The following STON2 variants were observed in gnomAD, a reference collection of about 807,000 sequenced individuals.
STON2 encodes the protein stonin 2.
In STON2, 29 loss-of-function variants were observed where a neutral mutation model predicts 65.7. The ratio of observed to expected loss-of-function variants is 0.44; its 90% CI spans 0.33 to 0.60. The LOEUF is 0.60. Among genes scored for constraint, STON2 ranks in the 20% least tolerant of loss-of-function variants. STON2 has a pLI of 0.03. For synonymous variants in STON2, 404 were observed against 414.2 expected (o/e 0.98, Z 0.30); for missense variants, 1,054 against 1,118.1 (o/e 0.94, Z 0.82).
Position 81,328,490 on chromosome 14 carries a change from A to C in STON2, c.572-4303T>G, listed in dbSNP as rs1041541077. ...GGTACGAAGACATCAATTTTCTCCAAAAGAAAGATGTACCAGCATTGCTAT... is the reference window on the plus strand; with the variant it reads ...GGTACGAAGACATCAATTTTCTCCACAAGAAAGATGTACCAGCATTGCTAT... On this transcript the variant is annotated intron_variant, in intron 4 of 7. Transcript: ENST00000614646. Among the ~76,000 whole-genome samples, 3 of 152,240 alleles carry C rather than the reference A, an allele frequency of 2.0e-5. No individual in the cohort carries two copies. The East Asian group carries it at 5.8e-4, about 29-fold the overall frequency.
At chr14:81,329,470 AAAG>A (rs1320250604) in intron 4 of STON2, among the ~76,000 whole-genome samples, 1 of 146,446 alleles carries the variant, frequency 6.8e-6, no homozygotes, top group Non-Finnish European at 1.5e-5. Context: ...AAAAAAAAAA[AAAG>A]AGAGAGACAA....
Position 81,395,875 on chromosome 14 carries a change from G to A in STON2, c.373+19C>T, listed in dbSNP as rs747686755. 1.2e-6 allele frequency: 2 copies of A among 1,613,214 alleles called. No individual in the cohort carries two copies. Among genetic ancestry groups the A allele is most frequent in the South Asian group, 1.1e-5 (1 of 91,000 alleles). ...CCTGCTGACCACAAACCCAAGCCGG[G>A]CCCTTCCTACCTCCTCACCTGTCTC... On this transcript the variant is annotated intron_variant, in intron 3 of 7. Transcript: ENST00000614646.
intron 2 of STON2, 109 bp from the exon 3 acceptor site, chr14:81,396,287 C>A: frequency 9.9e-7 from 1 of 1,005,240 alleles, no homozygotes; most frequent in Non-Finnish European, 1.4e-6. Flanking sequence ...TGACTCGCCA[C>A]TGCAGTGAGT....
intron 3 of STON2, among the ~76,000 whole-genome samples, chr14:81,387,342 AG>A (rs1440087208): frequency 2.6e-5 from 4 of 152,170 alleles, no homozygotes; most frequent in Non-Finnish European, 5.9e-5. Flanking sequence ...GGCTAATTTA[AG>A]TATTTGACAT....
intron 3 of STON2, among the ~76,000 whole-genome samples, chr14:81,380,937 G>C (rs1899483397): frequency 6.6e-6 from 1 of 151,868 alleles, no homozygotes; most frequent in African/African-American, 2.4e-5. Context: ...AATTTACTCA[G>C]GTAACAAACC....
rs149190919 is a variant in STON2 at position 81,387,529 on chromosome 14, T to G, written c.373+8365A>C. 2.2e-3 allele frequency among the ~76,000 whole-genome samples: 339 copies of G among 152,264 alleles called. 2 individuals carry two copies. Among genetic ancestry groups the G allele is most frequent in the Non-Finnish European group, 3.4e-3 (234 of 68,022 alleles). On this transcript the variant is annotated intron_variant, in intron 3 of 7. Coordinates refer to ENST00000614646, the MANE Select transcript of STON2 (RefSeq NM_001394390.1). ...TTCAAGGGGTATGATTCCATATGCT[T>G]CTTCATTCCTAGTAAACTCAGGTCT... is the stretch of plus-strand genomic sequence containing the variant.
chr14:81,267,124 T>A lies in STON2; in HGVS notation c.*1290A>T, dbSNP rs1030639071. The stretch of plus-strand genomic sequence containing the variant: ...AGTGTGCTTTCTGTCCCCCGACTTG[T>A]ATTCTTCATGGGAGAAAACACTAAG... On this transcript the variant is annotated 3_prime_UTR_variant, in exon 8 of 8. Transcript: ENST00000614646. 1.7e-5 allele frequency: 17 copies of A among 985,372 alleles called. No individual in the cohort carries two copies. The highest frequency in any genetic ancestry group is 2.0e-5 in the Non-Finnish European group (17 of 829,908). The allele number at this position is 985,372 out of a possible 1,614,324, so 61.0% of individuals were successfully genotyped here.
intron 4 of STON2, among the ~76,000 whole-genome samples, chr14:81,366,534 A>G: frequency 6.6e-6 from 1 of 151,180 alleles, no homozygotes; most frequent in African/African-American, 2.4e-5. Flanking sequence ...GAACTCTTCA[A>G]CCTCTACCAC....
At chr14:81,417,482 A>T (rs1484889535) in intron 2 of STON2, among the ~76,000 whole-genome samples, 1 of 152,228 alleles carries the variant, frequency 6.6e-6, no homozygotes, top group Non-Finnish European at 1.5e-5. Flanking sequence ...ATAGGAAATA[A>T]CAATTAAGCT....
At chr14:81,329,390 G>A (rs903236215) in intron 4 of STON2, among the ~76,000 whole-genome samples, 3 of 150,700 alleles carry the variant, frequency 2.0e-5, no homozygotes, top group African/African-American at 7.3e-5. Flanking sequence ...AGGAGGTGAA[G>A]CTTGCAGTGA....
At chr14:81,346,796 T>C (rs1405856121) in intron 4 of STON2, among the ~76,000 whole-genome samples, 1 of 152,114 alleles carries the variant, frequency 6.6e-6, no homozygotes, top group East Asian at 1.9e-4. Context: ...AGCAAATACA[T>C]GGAAATTAGA....
intron 4 of STON2, among the ~76,000 whole-genome samples, chr14:81,361,189 T>C (rs1245294461): frequency 1.3e-5 from 2 of 152,044 alleles, no homozygotes; most frequent in African/African-American, 2.4e-5. Context: ...AAATACCAAA[T>C]AGCCAAAGCT....
chr14:81,389,915 T>A (rs2140420719), intron 3 of STON2, among the ~76,000 whole-genome samples: 1 of 152,248 alleles, frequency 6.6e-6, no homozygotes, highest in East Asian at 1.9e-4. Context: ...CTCAGCTGTA[T>A]GAAATGAAAA....
Position 81,264,323 on chromosome 14 carries a change from TA to T in STON2, c.*4090del, listed in dbSNP as rs1304347273. The T allele has an allele frequency of 1.0e-6, 1 of 985,346 alleles. No individual in the cohort carries two copies. The highest frequency in any genetic ancestry group is 1.2e-6 in the Non-Finnish European group (1 of 829,938). 61.0% of individuals were successfully genotyped at this position (985,346 alleles called of 1,614,324 possible). ...AAAATTATTTAAGTCCTTCAGGAAA[TA>T]AAAGCATGCTTGCTGGCTTTATTAT... On this transcript the variant is annotated 3_prime_UTR_variant, in exon 8 of 8. Transcript: ENST00000614646.
chr14:81,262,872 T>C lies in STON2; in HGVS notation c.*5542A>G, dbSNP rs1251902772. Reference sequence around the variant, plus strand: ...GGTTGCCTTATACATCTCCTTCACGTTTAATTCCTTAAACACATAAATATG... The same window carrying C: ...GGTTGCCTTATACATCTCCTTCACGCTTAATTCCTTAAACACATAAATATG... On this transcript the variant is annotated 3_prime_UTR_variant, in exon 8 of 8. Transcript: ENST00000614646. 6 of 985,308 alleles carry C rather than the reference T, an allele frequency of 6.1e-6. No individual in the cohort carries two copies. In the African/African-American group the frequency reaches 1.0e-4, roughly 17 times the overall value. 61.0% of individuals were successfully genotyped at this position (985,308 alleles called of 1,614,324 possible). A position where few individuals can be genotyped will look rare whatever the true frequency, so the allele number is the denominator to read the frequency against.
chr14:81,263,112 AT>A lies in STON2; in HGVS notation c.*5301del, dbSNP rs1894214957. On this transcript the variant is annotated 3_prime_UTR_variant, in exon 8 of 8. Transcript: ENST00000614646. ...CAAATGATATTTTTTTGTGGATTTA[AT>A]TTTTTGTTAGTTTTGCTTGAAATTC... 1.0e-6 allele frequency: 1 copy of A among 985,218 alleles called. No homozygotes were observed. Among genetic ancestry groups the A allele is most frequent in the Non-Finnish European group, 1.2e-6 (1 of 829,914 alleles). The allele number at this position is 985,218 out of a possible 1,614,324, so 61.0% of individuals were successfully genotyped here.
intron 4 of STON2, among the ~76,000 whole-genome samples, chr14:81,347,613 A>G (rs1237924080): frequency 1.1e-5 from 1 of 91,168 alleles, no homozygotes; most frequent in African/African-American, 3.8e-5. Context: ...ACAAGAAGAC[A>G]GTAAAAAAAA....
At chr14:81,373,575 AC>A (rs1456018467) in intron 3 of STON2, among the ~76,000 whole-genome samples, 1 of 152,184 alleles carries the variant, frequency 6.6e-6, no homozygotes, top group African/African-American at 2.4e-5. Context: ...GAAAGCTGCA[AC>A]CCCAAAAGAG....
Position 81,376,088 on chromosome 14 carries a change from A to G in STON2, c.374-4903T>C, listed in dbSNP as rs189351211. ...GTAAGCAGTATTGTCAGCTTATATT[A>G]GAAGACAAATGAAACTTCATACAGT... On this transcript the variant is annotated intron_variant, in intron 3 of 7. Transcript: ENST00000614646. 7.1e-4 allele frequency among the ~76,000 whole-genome samples: 108 copies of G among 152,080 alleles called. 1 individual carries two copies. Among genetic ancestry groups the G allele is most frequent in the African/African-American group, 2.5e-3 (105 of 41,564 alleles).
Sources: gnomAD v4.1 joint callset for allele counts (sites outside exome capture counted in the v4.1 genomes callset) on GRCh38, gnomAD v4.1.1 for gene constraint, MANE v1.5 for transcripts, NCBI Gene and HGNC (gene_info 2026-07-23, HGNC 2026-07-21) for gene names.